CALN1: variants seen among roughly 807,000 people sequenced by gnomAD.
CALN1 encodes the protein calneuron 1.
CALN1 carries 17 observed loss-of-function variants against 30.6 expected under a neutral mutation model. The ratio of observed to expected loss-of-function variants is 0.56; its 90% CI spans 0.38 to 0.83. The LOEUF (loss-of-function observed/expected upper bound fraction) is 0.83. CALN1 is among the 40% of genes least tolerant of loss of function. The probability of loss-of-function intolerance (pLI) is 0.00; values close to 1 mark genes in which losing one functional copy is unlikely to be tolerated. For missense variants in CALN1, 291 were observed against 354.9 expected (o/e 0.82, Z 1.45); for synonymous variants, 156 against 131.4 (o/e 1.19, Z -1.28).
At chr7:72,071,270 G>A (rs1425685179) in intron 4 of CALN1, among the ~76,000 whole-genome samples, 6 of 152,206 alleles carry the variant, frequency 3.9e-5, no homozygotes, top group East Asian at 1.9e-4. Flanking sequence ...TAGGGGTTCC[G>A]TGCTCTGACC....
chr7:72,315,931 G>A (rs1585459142), intron 2 of CALN1, among the ~76,000 whole-genome samples: 2 of 152,148 alleles, frequency 1.3e-5, no homozygotes, highest in East Asian at 3.9e-4. Flanking sequence ...AGGATCACTT[G>A]AGGTCAAGAG....
chr7:72,013,472 A>G (rs1198895717), intron 5 of CALN1, among the ~76,000 whole-genome samples: 1 of 151,886 alleles, frequency 6.6e-6, no homozygotes, highest in African/African-American at 2.4e-5. Flanking sequence ...GGCTCCTGTC[A>G]AACTCCTGGG....
chr7:72,460,579 C>G, the CALN1 span, among the ~76,000 whole-genome samples: 1 of 152,014 alleles, frequency 6.6e-6, no homozygotes, highest in Non-Finnish European at 1.5e-5. Flanking sequence ...TTGCAGTGAG[C>G]CAAGATCACA....
intron 3 of CALN1, among the ~76,000 whole-genome samples, chr7:72,230,204 C>T (rs1379013407): frequency 6.6e-6 from 1 of 151,958 alleles, no homozygotes; most frequent in Non-Finnish European, 1.5e-5. Context: ...CAGCAAACCA[C>T]CATGGCACAT....
intron 3 of CALN1, among the ~76,000 whole-genome samples, chr7:72,167,823 G>A (rs1788633090): frequency 6.6e-6 from 1 of 152,128 alleles, no homozygotes; most frequent in Non-Finnish European, 1.5e-5. Flanking sequence ...TAATTTGGCT[G>A]GATTTGTAAC....
At position 72,403,280 on chromosome 7, in the gene CALN1, C is replaced by T. The variant is rs777023030; in HGVS notation, c.90G>A (p.Pro30=). 1.5e-5 allele frequency: 23 copies of T among 1,550,200 alleles called. No individual in the cohort carries two copies. Among genetic ancestry groups the T allele is most frequent in the Middle Eastern group, 1.7e-4 (1 of 5,978 alleles). Reference sequence around the variant, plus strand: ...TGGGGAAGTCGGGGGCCTGGCTCCTCGGCGGCTCCTCTCCCCCTCCGAGGG... The same window carrying T: ...TGGGGAAGTCGGGGGCCTGGCTCCTTGGCGGCTCCTCTCCCCCTCCGAGGG... ...GGALGGGEEP[P]RSQAPDFPTW... is the part of the protein sequence containing the mutation. The change falls in exon 2 of 7, where the codon CCG becomes CCA. Residue 30 remains proline (P), a synonymous_variant. Transcript: ENST00000395275.
At chr7:71,855,556 G>C (rs1047941624) in intron 5 of CALN1, among the ~76,000 whole-genome samples, 1 of 152,128 alleles carries the variant, frequency 6.6e-6, no homozygotes, top group Non-Finnish European at 1.5e-5. Flanking sequence ...CAGCACCCCA[G>C]CCTTTCAATC....
At chr7:72,239,269 G>A (rs1437329647) in intron 3 of CALN1, among the ~76,000 whole-genome samples, 2 of 152,176 alleles carry the variant, frequency 1.3e-5, no homozygotes, top group Middle Eastern at 3.4e-3. Flanking sequence ...GTGGTGGCAC[G>A]TCCTTGTATT....
At chr7:72,066,311 G>A (rs767269559) in intron 4 of CALN1, among the ~76,000 whole-genome samples, 18 of 152,164 alleles carry the variant, frequency 1.2e-4, no homozygotes, top group Non-Finnish European at 2.5e-4. Flanking sequence ...GCACGTTACT[G>A]GGAGTCTTCC....
chr7:71,996,165 AC>A (rs1215839568), intron 5 of CALN1, among the ~76,000 whole-genome samples: 2 of 152,136 alleles, frequency 1.3e-5, no homozygotes, highest in Non-Finnish European at 2.9e-5. Context: ...AGGTGACTAA[AC>A]CTAAACATGA....
chr7:71,944,731 G>C (rs775183304), intron 5 of CALN1, among the ~76,000 whole-genome samples: 32 of 151,658 alleles, frequency 2.1e-4, no homozygotes, highest in African/African-American at 7.8e-4. Flanking sequence ...TTATAAATCA[G>C]TGAATTAATA....
chr7:71,906,332 G>A (rs753290005), intron 5 of CALN1, among the ~76,000 whole-genome samples: 3 of 152,110 alleles, frequency 2.0e-5, no homozygotes, highest in Admixed American at 6.5e-5. Context: ...CGTATTTCCC[G>A]GGCCATGAGC....
chr7:71,840,351 G>A (rs1405146180), intron 5 of CALN1, among the ~76,000 whole-genome samples: 1 of 151,936 alleles, frequency 6.6e-6, no homozygotes, highest in Non-Finnish European at 1.5e-5. Flanking sequence ...CGAGCACAGT[G>A]GTGTGCACCC....
At chr7:71,826,032 CAAAAAAAAAAAAA>C (rs57512202) in intron 5 of CALN1, among the ~76,000 whole-genome samples, 3 of 43,846 alleles carry the variant, frequency 6.8e-5, no homozygotes, top group Non-Finnish European at 1.2e-4. Context: ...GACTCTGTCT[CAAAAAAAAAAAAA>C]AAAAAAAAAA....
At chr7:72,316,117 C>T (rs761449297) in intron 2 of CALN1, among the ~76,000 whole-genome samples, 1 of 151,532 alleles carries the variant, frequency 6.6e-6, no homozygotes, top group Non-Finnish European at 1.5e-5. Context: ...CACCACTGCA[C>T]TCCAGCCCAG....
intron 5 of CALN1, among the ~76,000 whole-genome samples, chr7:71,983,846 A>C: frequency 6.6e-6 from 1 of 152,218 alleles, no homozygotes; most frequent in Admixed American, 6.5e-5. Context: ...GGATGCTTTT[A>C]AATCCAGCTA....
intron 1 of CALN1, among the ~76,000 whole-genome samples, chr7:72,404,999 C>CCCA (rs776646278): frequency 1.3e-5 from 2 of 152,114 alleles, no homozygotes; most frequent in Non-Finnish European, 2.9e-5. Flanking sequence ...ACCAGAAACC[C>CCCA]CCATGGTCTT....
rs1398054705 is a variant in CALN1, at chr7:72,309,894, C to G, written c.120-31084G>C. Among the ~76,000 whole-genome samples, 3 of 152,304 alleles carry G rather than the reference C, an allele frequency of 2.0e-5. No homozygotes were observed. In the East Asian group the frequency reaches 5.8e-4, roughly 29 times the overall value. On this transcript the variant is annotated intron_variant, in intron 2 of 6. Transcript: ENST00000395275. ...TTAACCTGCGCTTCCCGCTTCAAGGCTATCCAGGGCCAGGGGCAAGCCTGG... is the reference window on the plus strand; with the variant it reads ...TTAACCTGCGCTTCCCGCTTCAAGGGTATCCAGGGCCAGGGGCAAGCCTGG...
chr7:72,189,181 T>C (rs748855101), intron 3 of CALN1, among the ~76,000 whole-genome samples: 5 of 152,226 alleles, frequency 3.3e-5, no homozygotes, highest in Non-Finnish European at 7.3e-5. Flanking sequence ...AGAATCGTTG[T>C]GGATTATCAT....
Sources: gnomAD v4.1 joint callset for allele counts (sites outside exome capture counted in the v4.1 genomes callset) on GRCh38, gnomAD v4.1.1 for gene constraint, MANE v1.5 for transcripts, NCBI Gene and HGNC (gene_info 2026-07-23, HGNC 2026-07-21) for gene names.